The following ITGB8 variants were observed in gnomAD, a reference collection of about 807,000 sequenced individuals.
The protein encoded by ITGB8 is integrin subunit beta 8, also known as integrin beta-8.
A neutral mutation model predicts 89.5 loss-of-function variants in ITGB8; 30 were observed. That is an observed-to-expected ratio of 0.34 (90% CI 0.25 to 0.45). ITGB8 has a LOEUF of 0.45. Ranked by LOEUF, ITGB8 falls within the 20% of genes least tolerant of loss-of-function variation. ITGB8 has a pLI of 1.00. For missense variants in ITGB8, 836 were observed against 933.3 expected, an observed-to-expected ratio of 0.90 and a Z score of 1.36; for synonymous variants, 335 against 320.4, an observed-to-expected ratio of 1.05 and a Z score of -0.49.
intron 1 of ITGB8, among the ~76,000 whole-genome samples, chr7:20,342,243 T>C (rs1784784249): frequency 6.6e-6 from 1 of 152,206 alleles, no homozygotes; most frequent in Non-Finnish European, 1.5e-5. Context: ...ACCCACTAAC[T>C]GGTCAGTCCA....
intron 3 of ITGB8, among the ~76,000 whole-genome samples, chr7:20,377,053 C>CT (rs1288849965): frequency 4.6e-5 from 7 of 152,134 alleles, no homozygotes; most frequent in Admixed American, 4.6e-4. Flanking sequence ...GCTGAGGGCC[C>CT]TTGTGTGGCT....
At chr7:20,381,965 G>C in intron 6 of ITGB8, 80 bp downstream of exon 6, 3 of 1,228,008 alleles carry the variant, frequency 2.4e-6, no homozygotes, top group Non-Finnish European at 3.4e-6. Context: ...AACTATTTTT[G>C]TACCAGGAAA....
intron 2 of ITGB8, chr7:20,364,518 A>G (rs1478484017): frequency 6.6e-6 from 1 of 152,232 alleles, no homozygotes; most frequent in Non-Finnish European, 1.5e-5. Flanking sequence ...TCTTCTAGGA[A>G]GCAAGTCAGA....
intron 4 of ITGB8, chr7:20,380,071 A>G (rs1419926322): frequency 2.0e-5 from 3 of 152,320 alleles, no homozygotes; most frequent in Non-Finnish European, 2.9e-5. Flanking sequence ...CAGCTCTGTC[A>G]TCTGTTGTAC....
chr7:20,339,119 G>C lies in ITGB8; in HGVS notation c.127+7186G>C, dbSNP rs775110779. On this transcript the variant is annotated intron_variant, in intron 1 of 13. Coordinates refer to ENST00000222573, the MANE Select transcript of ITGB8 (RefSeq NM_002214.3). ...GGGCAAGAGAATCATTTGAACCCAT[G>C]AGATGGAGGTTGCAGTGAGCCGAGA... 6.7e-5 allele frequency among the ~76,000 whole-genome samples: 10 copies of C among 148,300 alleles called. No individual in the cohort carries two copies. In the Middle Eastern group the frequency reaches 0.01, roughly 153 times the overall value.
At chr7:20,382,862 G>A (rs890337036) in intron 6 of ITGB8, among the ~76,000 whole-genome samples, 6 of 152,082 alleles carry the variant, frequency 3.9e-5, no homozygotes, top group African/African-American at 1.2e-4. Context: ...TTCTTCTTCC[G>A]TGTTGATTTT....
intron 1 of ITGB8, among the ~76,000 whole-genome samples, chr7:20,341,136 G>A (rs781630119): frequency 1.6e-4 from 24 of 152,146 alleles, no homozygotes; most frequent in Non-Finnish European, 2.8e-4. Context: ...ATGACTGGCT[G>A]GTCTCTTTCT....
At chr7:20,365,451 A>G (rs1330693675) in intron 2 of ITGB8, 1 of 152,224 alleles carries the variant, frequency 6.6e-6, no homozygotes, top group Admixed American at 6.5e-5. Flanking sequence ...AAACTTGCAC[A>G]TATTACCTAA....
rs776525686 is a variant in ITGB8, at chr7:20,391,440, T to G, written c.998T>G (p.Ile333Arg). ...PSLGQLSEKL[I>R]DNNINVIFAV... ...CTAGGCCAACTTTCAGAGAAATTAA[T>G]AGACAACAACATTAATGTCATCTTT... is the stretch of plus-strand genomic sequence containing the variant. Residue 333 changes from isoleucine to arginine, a missense_variant, in exon 7 of 14, where the codon ATA (isoleucine) becomes AGA (arginine). Physicochemically the swap from Ile to Arg is moderately conservative, Grantham distance 97. Transcript: ENST00000222573. The G allele has an allele frequency of 1.9e-6, 3 of 1,604,694 alleles. No homozygotes were observed. The highest frequency in any genetic ancestry group is 2.2e-5 in the South Asian group (2 of 89,674).
chr7:20,380,677 T>C lies in ITGB8; in HGVS notation c.647T>C (p.Leu216Ser). 6.2e-7 allele frequency: 1 copy of C among 1,613,312 alleles called. No individual in the cohort carries two copies. The highest frequency in any genetic ancestry group is 8.5e-7 in the Non-Finnish European group (1 of 1,179,434). ...RIHNQCSDYN[L>S]DCMPPHGYIH... ...CTTTTCCCACACAGTGACTACAATT[T>C]AGACTGCATGCCTCCCCATGGATAC... The change falls in exon 5 of 14, where the codon TTA (leucine) becomes TCA (serine). Residue 216 changes from leucine to serine, a missense_variant. Transcript: ENST00000222573.
chr7:20,372,393 G>C (rs769556838), intron 3 of ITGB8, among the ~76,000 whole-genome samples: 6 of 152,220 alleles, frequency 3.9e-5, no homozygotes, highest in African/African-American at 1.4e-4. Flanking sequence ...ACTTGAGAGA[G>C]AATGGAGAGG....
chr7:20,336,218 G>A lies in ITGB8; in HGVS notation c.127+4285G>A, dbSNP rs1784573325. Among the ~76,000 whole-genome samples, 2 of 151,892 alleles carry A rather than the reference G, an allele frequency of 1.3e-5. 1 individual carries two copies. Among genetic ancestry groups the A allele is most frequent in the Admixed American group, 1.3e-4 (2 of 15,264 alleles). On this transcript the variant is annotated intron_variant, in intron 1 of 13. Transcript: ENST00000222573. ...GAGGGCGTTTCACTGTGTTAGCCAG[G>A]ATCGTCTTGATCTCCTGACCTCGTG...
At chr7:20,397,193 T>C (rs978631740) in intron 8 of ITGB8, among the ~76,000 whole-genome samples, 5 of 151,596 alleles carry the variant, frequency 3.3e-5, no homozygotes, top group Admixed American at 6.6e-5. Context: ...TTGAAAAACA[T>C]TGGCCTAACT....
intron 12 of ITGB8, 36 bp from the exon 13 acceptor site, chr7:20,409,579 A>G (rs1212231947): frequency 6.8e-7 from 1 of 1,471,676 alleles, no homozygotes; most frequent in Non-Finnish European, 9.2e-7. Flanking sequence ...TACTTATTCC[A>G]ATTTTTAATC....
intron 10 of ITGB8, 56 bp downstream of exon 10, chr7:20,402,182 T>C (rs2127982940): frequency 2.2e-6 from 3 of 1,378,072 alleles, no homozygotes; most frequent in South Asian, 3.0e-5. Context: ...CCAGCATAGA[T>C]GTTAAAGTGT....
intron 1 of ITGB8, among the ~76,000 whole-genome samples, chr7:20,345,979 T>C (rs1363097153): frequency 6.6e-6 from 1 of 152,162 alleles, no homozygotes; most frequent in Non-Finnish European, 1.5e-5. Context: ...GGCAACATTT[T>C]CTAAAAACGA....
chr7:20,361,916 T>A (rs1785516675), intron 1 of ITGB8, among the ~76,000 whole-genome samples: 1 of 151,776 alleles, frequency 6.6e-6, no homozygotes, highest in African/African-American at 2.4e-5. Context: ...ATTTGTGAAG[T>A]GAAGAAGTTT....
At chr7:20,341,451 T>C (rs1784752331) in intron 1 of ITGB8, among the ~76,000 whole-genome samples, 2 of 152,196 alleles carry the variant, frequency 1.3e-5, no homozygotes, top group South Asian at 4.1e-4. Context: ...GGCCAACGTA[T>C]ATAATCAGAG....
chr7:20,330,045 G>A (rs907449347), upstream of ITGB8, among the ~76,000 whole-genome samples: 2 of 152,152 alleles, frequency 1.3e-5, no homozygotes, highest in African/African-American at 4.8e-5. Context: ...TTTTTGTTCC[G>A]TTTACTGGGA....
Sources: allele counts gnomAD v4.1 joint callset (sites outside exome capture counted in the v4.1 genomes callset), GRCh38; gene constraint gnomAD v4.1.1; transcripts MANE v1.5; gene names NCBI Gene and HGNC (gene_info 2026-07-23, HGNC 2026-07-21).